The following USP37 variants were observed in gnomAD, a reference collection of about 807,000 sequenced individuals.
USP37 encodes ubiquitin specific peptidase 37.
In USP37, 27 loss-of-function variants were observed where a neutral mutation model predicts 124.0. The observed-to-expected ratio is 0.22, with a 90% CI of 0.16 to 0.30. The LOEUF (loss-of-function observed/expected upper bound fraction) is 0.30. Among genes scored for constraint, USP37 ranks in the 10% least tolerant of loss-of-function variants. The pLI, the probability that USP37 is intolerant of heterozygous loss-of-function variation, is 1.00. For synonymous variants in USP37, 365 were observed against 388.0 expected, an observed-to-expected ratio of 0.94 and a Z score of 0.70; for missense variants, 889 against 1,140.4, an observed-to-expected ratio of 0.78 and a Z score of 3.17.
In USP37 at chr2:218,468,879, G is replaced by T. The variant is rs1388473141; in HGVS notation, c.2300-2703C>A. ...CGGCTCATTTTTTATTTTTAGTAGA[G>T]ACAGGGTTTCACCATGTTGGCCAGG... On this transcript the variant is annotated intron_variant, in intron 20 of 25. Transcript: ENST00000258399. Among the ~76,000 whole-genome samples the T allele has an allele frequency of 3.3e-5, 5 of 152,010 alleles. No individual in the cohort carries two copies. In the South Asian group the frequency reaches 1.0e-3, roughly 32 times the overall value.
chr2:218,564,558 T>C (rs778410131), intron 1 of USP37, among the ~76,000 whole-genome samples: 4 of 152,196 alleles, frequency 2.6e-5, no homozygotes, highest in African/African-American at 9.7e-5. Context: ...ATCCTTTACA[T>C]TGTAACATCC....
intron 14 of USP37, among the ~76,000 whole-genome samples, chr2:218,490,723 C>T (rs1002235227): frequency 2.6e-5 from 4 of 152,152 alleles, no homozygotes; most frequent in Admixed American, 1.3e-4. Context: ...GTGGGTAGAA[C>T]CAACCTGTGA....
intron 14 of USP37, among the ~76,000 whole-genome samples, chr2:218,495,332 G>A (rs921806988): frequency 1.3e-5 from 2 of 152,174 alleles, no homozygotes; most frequent in Non-Finnish European, 2.9e-5. Context: ...TGTAGAGATG[G>A]GGTTTCCCCA....
chr2:218,515,730 CA>C (rs1355494689), intron 10 of USP37, among the ~76,000 whole-genome samples: 2 of 152,212 alleles, frequency 1.3e-5, no homozygotes, highest in East Asian at 3.9e-4. Context: ...TTCTGCACAG[CA>C]AAAGAAACTA....
At chr2:218,463,388 C>G in intron 21 of USP37, 22 bp from the exon 22 acceptor site, 1 of 1,611,552 alleles carries the variant, frequency 6.2e-7, no homozygotes. Flanking sequence ...AGAACAAAAA[C>G]TAAGGTATTT....
chr2:218,511,800 CTT>C (rs11355129), intron 10 of USP37, among the ~76,000 whole-genome samples: 7,956 of 142,738 alleles, frequency 0.056, 276 homozygotes, highest in East Asian at 0.12. Context: ...TTTTTCTTTT[CTT>C]TTTTTTTTTT....
At chr2:218,567,140 T>C (rs1029388870) in intron 1 of USP37, among the ~76,000 whole-genome samples, 3 of 152,218 alleles carry the variant, frequency 2.0e-5, no homozygotes, top group African/African-American at 4.8e-5. Flanking sequence ...GAAGAGGACC[T>C]AGGACTGAAC....
At chr2:218,480,477 T>C (rs1691212421) in intron 17 of USP37, among the ~76,000 whole-genome samples, 1 of 151,750 alleles carries the variant, frequency 6.6e-6, no homozygotes, top group African/African-American at 2.4e-5. Flanking sequence ...TAGGCTCTCC[T>C]TGATCCAATA....
chr2:218,534,757 T>C (rs1156557660), intron 8 of USP37, 51 bp from the exon 9 acceptor site: 2 of 1,239,704 alleles, frequency 1.6e-6, no homozygotes, highest in Non-Finnish European at 2.2e-6. Flanking sequence ...AAAAATATTG[T>C]TCTTAATTTT....
intron 2 of USP37, among the ~76,000 whole-genome samples, chr2:218,561,722 C>T (rs1409823064): frequency 6.6e-6 from 1 of 151,770 alleles, no homozygotes; most frequent in African/African-American, 2.4e-5. Context: ...CAGATCAAAT[C>T]ATATCCCTCT....
At chr2:218,498,740 T>TA (rs1479929112) in intron 11 of USP37, among the ~76,000 whole-genome samples, 5 of 151,982 alleles carry the variant, frequency 3.3e-5, no homozygotes, top group African/African-American at 9.7e-5. Context: ...ATAAATAAAA[T>TA]AAATAAATAA....
At chr2:218,471,752 G>A (rs1180826913) in intron 20 of USP37, among the ~76,000 whole-genome samples, 3 of 152,076 alleles carry the variant, frequency 2.0e-5, no homozygotes, top group African/African-American at 4.8e-5. Flanking sequence ...GGGGCTGGGC[G>A]TGGTGGCTCA....
chr2:218,496,563 A>G (rs990138251), intron 13 of USP37, among the ~76,000 whole-genome samples: 1 of 128,578 alleles, frequency 7.8e-6, no homozygotes, highest in Non-Finnish European at 1.7e-5. Flanking sequence ...TTCGCAGGTA[A>G]CACAGCCCAG....
At chr2:218,472,132 A>T (rs890316111) in intron 20 of USP37, among the ~76,000 whole-genome samples, 3 of 152,062 alleles carry the variant, frequency 2.0e-5, no homozygotes, top group African/African-American at 7.2e-5. Flanking sequence ...TGATCTCTCC[A>T]GCAGGGCAGC....
At chr2:218,559,001 T>TAAAAAAAAAAAAA (rs35129465) in intron 3 of USP37, among the ~76,000 whole-genome samples, 1 of 143,144 alleles carries the variant, frequency 7.0e-6, no homozygotes. Flanking sequence ...AAATATAAGT[T>TAAAAAAAAAAAAA]AAAAAAAAAA....
chr2:218,476,284 T>C (rs1690971389), intron 19 of USP37, among the ~76,000 whole-genome samples: 1 of 152,128 alleles, frequency 6.6e-6, no homozygotes, highest in Non-Finnish European at 1.5e-5. Context: ...ACATAAACAA[T>C]TGCTACAGGC....
At chr2:218,502,072 T>C (rs1374101321) in intron 11 of USP37, among the ~76,000 whole-genome samples, 1 of 151,956 alleles carries the variant, frequency 6.6e-6, no homozygotes, top group East Asian at 1.9e-4. Context: ...GAGTAAAGGA[T>C]ACTCTATATT....
At chr2:218,506,917 C>T (rs935240812) in intron 11 of USP37, among the ~76,000 whole-genome samples, 1 of 151,928 alleles carries the variant, frequency 6.6e-6, no homozygotes, top group Admixed American at 6.6e-5. Flanking sequence ...CTGCCTCAGC[C>T]TCCCGAATAG....
chr2:218,525,526 GA>G (rs1690908077), intron 10 of USP37, among the ~76,000 whole-genome samples: 1 of 152,066 alleles, frequency 6.6e-6, no homozygotes, highest in African/African-American at 2.4e-5. Flanking sequence ...CTATATTCTT[GA>G]AATATAATTT....
Sources: allele counts gnomAD v4.1 joint callset (sites outside exome capture counted in the v4.1 genomes callset), GRCh38; gene constraint gnomAD v4.1.1; transcripts MANE v1.5; gene names NCBI Gene and HGNC (gene_info 2026-07-23, HGNC 2026-07-21).